The following TRIT1 variants were observed in gnomAD, a reference collection of about 807,000 sequenced individuals.
TRIT1 encodes the protein tRNA dimethylallyltransferase.
TRIT1 carries 43 observed loss-of-function variants against 51.2 expected under a neutral mutation model. The observed-to-expected ratio is 0.84, with a 90% CI of 0.66 to 1.08. The LOEUF (loss-of-function observed/expected upper bound fraction) is 1.08, where lower values mean the gene tolerates loss of function less well. Ranked by LOEUF, TRIT1 falls within the 50% of genes least tolerant of loss-of-function variation. TRIT1 has a pLI of 0.00. For missense variants in TRIT1, 528 were observed against 578.4 expected (o/e 0.91, Z 0.89); for synonymous variants, 184 against 203.9 (o/e 0.90, Z 0.83).
chr1:39,847,972 A>C lies in TRIT1; in HGVS notation c.815+14T>G. 1 of 1,605,820 alleles carries C rather than the reference A, an allele frequency of 6.2e-7. No homozygotes were observed. The highest frequency in any genetic ancestry group is 8.5e-7 in the Non-Finnish European group (1 of 1,172,430). On this transcript the variant is annotated intron_variant, in intron 6 of 10. Transcript: ENST00000316891. ...AATATGGACAGTAGGTCAGAATAAC[A>C]GCCAAATCCTCACCTATTTTCCGAA...
intron 10 of TRIT1, 59 bp downstream of exon 10, chr1:39,844,042 C>A: frequency 1.6e-6 from 2 of 1,215,474 alleles, no homozygotes; most frequent in South Asian, 2.6e-5. Context: ...CTCTAAATTT[C>A]ATGAAGTCAA....
intron 1 of TRIT1, 151 bp from the exon 2 acceptor site, chr1:39,857,568 C>G (rs577664730): frequency 5.1e-6 from 4 of 782,102 alleles, no homozygotes; most frequent in Non-Finnish European, 3.9e-6. Context: ...AACAGCACAG[C>G]CAGATCCACG....
At chr1:39,879,308 A>T (rs1006188909) in intron 1 of TRIT1, among the ~76,000 whole-genome samples, 6 of 151,952 alleles carry the variant, frequency 3.9e-5, no homozygotes, top group Non-Finnish European at 5.9e-5. Flanking sequence ...ATTGAACCCC[A>T]CAGCCCCTGG....
intron 1 of TRIT1, among the ~76,000 whole-genome samples, chr1:39,882,346 C>T (rs1322701902): frequency 1.3e-5 from 2 of 152,244 alleles, no homozygotes; most frequent in African/African-American, 2.4e-5. Flanking sequence ...AACTGCCCTT[C>T]TTTGCTGAGT....
At chr1:39,882,542 C>G (rs147284135) in intron 1 of TRIT1, among the ~76,000 whole-genome samples, 33 of 152,348 alleles carry the variant, frequency 2.2e-4, no homozygotes, top group African/African-American at 7.0e-4. Context: ...GTGATGTACA[C>G]CCCTTCTGGG....
intron 1 of TRIT1, among the ~76,000 whole-genome samples, chr1:39,869,724 T>C (rs575480629): frequency 4.8e-4 from 71 of 148,992 alleles, no homozygotes; most frequent in African/African-American, 1.7e-3. Context: ...CACGACCCCA[T>C]CTGGGAACTG....
At chr1:39,847,716 C>T (rs745309413) in intron 6 of TRIT1, 56 bp from the exon 7 acceptor site, 4 of 1,612,216 alleles carry the variant, frequency 2.5e-6, no homozygotes, top group African/African-American at 1.3e-5. Flanking sequence ...CTAGCAGGGG[C>T]TTTGGAGATG....
At chr1:39,882,262 T>C (rs1424074447) in intron 1 of TRIT1, among the ~76,000 whole-genome samples, 1 of 152,258 alleles carries the variant, frequency 6.6e-6, no homozygotes, top group African/African-American at 2.4e-5. Flanking sequence ...TGTGTGCTGA[T>C]GGTCTTGTCA....
chr1:39,850,005 A>C (rs971332184), intron 5 of TRIT1, 114 bp downstream of exon 5: 17 of 1,066,408 alleles, frequency 1.6e-5, no homozygotes, highest in Non-Finnish European at 1.9e-5. Context: ...TTAATAGCTA[A>C]TACTTGTTTA....
rs1229229289 is a variant in TRIT1, at chr1:39,841,803, C to CT, written c.1344dup (p.Glu449ArgfsTer3). 3 of 1,613,978 alleles carry CT rather than the reference C, an allele frequency of 1.9e-6. No homozygotes were observed. Among genetic ancestry groups the CT allele is most frequent in the African/African-American group, 2.7e-5 (2 of 75,014 alleles). On this transcript the variant is annotated frameshift_variant, in exon 11 of 11. Transcript: ENST00000316891. LOFTEE classifies it high-confidence loss of function. The stretch of plus-strand genomic sequence containing the variant: ...CCTGGGGATCCCTTCTCTTTAGGTT[C>CT]TTTGTTATGGTCTGGGGAAACACTC...
chr1:39,878,424 G>A (rs1387089585), intron 1 of TRIT1, among the ~76,000 whole-genome samples: 1 of 152,194 alleles, frequency 6.6e-6, no homozygotes, highest in Non-Finnish European at 1.5e-5. Flanking sequence ...CCTTGGGTAG[G>A]TGTTGCCTTG....
At chr1:39,871,749 G>A (rs562536043) in intron 1 of TRIT1, among the ~76,000 whole-genome samples, 2 of 152,202 alleles carry the variant, frequency 1.3e-5, no homozygotes, top group African/African-American at 4.8e-5. Context: ...GAGATAGAGG[G>A]GTTGACTACA....
At chr1:39,863,814 A>T (rs1643382917) in intron 1 of TRIT1, among the ~76,000 whole-genome samples, 1 of 152,152 alleles carries the variant, frequency 6.6e-6, no homozygotes, top group Non-Finnish European at 1.5e-5. Context: ...AGATATGGAA[A>T]AAACAAAAAA....
intron 1 of TRIT1, among the ~76,000 whole-genome samples, chr1:39,865,758 G>A (rs1433349730): frequency 2.0e-5 from 3 of 151,714 alleles, no homozygotes; most frequent in African/African-American, 7.3e-5. Flanking sequence ...GCTAAGATGG[G>A]AGGGTCATTT....
chr1:39,847,434 T>G (rs1642296183), intron 7 of TRIT1, 114 bp downstream of exon 7: 18 of 1,446,184 alleles, frequency 1.2e-5, no homozygotes, highest in Admixed American at 1.7e-5. Context: ...ATCTCAGTTC[T>G]GAGCTGAAGG....
At chr1:39,847,064 T>A (rs1642265656) in intron 8 of TRIT1, 156 bp downstream of exon 8, 1 of 569,500 alleles carries the variant, frequency 1.8e-6, no homozygotes, top group Non-Finnish European at 3.0e-6. Context: ...CAAGAAAATA[T>A]CCCTGGATAA....
At position 39,840,663 on chromosome 1, in the gene TRIT1, C is replaced by CT. The variant is rs1652519191; in HGVS notation, c.*1080_*1081insA. 6.6e-6 allele frequency among the ~76,000 whole-genome samples: 1 copy of CT among 152,188 alleles called. No individual in the cohort carries two copies. The highest frequency in any genetic ancestry group is 2.4e-5 in the African/African-American group (1 of 41,438). On this transcript the variant is annotated 3_prime_UTR_variant, in exon 11 of 11. Transcript: ENST00000316891. The stretch of plus-strand genomic sequence containing the variant: ...GAATGGGGAGTTAACGCTTAAAGGG[C>CT]ACAAAGTTTGTTTGGAGTGACAAAA...
Position 39,841,586 on chromosome 1 carries a change from G to T in TRIT1, c.*158C>A. The T allele has an allele frequency of 1.5e-6, 1 of 669,842 alleles. No individual in the cohort carries two copies. Among genetic ancestry groups the T allele is most frequent in the Non-Finnish European group, 2.4e-6 (1 of 416,442 alleles). The allele number at this position is 669,842 out of a possible 1,614,324, so 41.5% of individuals were successfully genotyped here. On this transcript the variant is annotated 3_prime_UTR_variant, in exon 11 of 11. Coordinates refer to ENST00000316891, the MANE Select transcript of TRIT1 (RefSeq NM_017646.6). ...ACCTGCTGTTTCTATTATAGAGAAC[G>T]TGAGACTTTAAAACCACATCAAAAG... is the stretch of plus-strand genomic sequence containing the variant.
chr1:39,869,320 G>T (rs1007106923), intron 1 of TRIT1, among the ~76,000 whole-genome samples: 12 of 152,228 alleles, frequency 7.9e-5, no homozygotes, highest in African/African-American at 2.7e-4. Context: ...GGCCGGGCTG[G>T]TCTCCAGCTC....
Sources: gnomAD v4.1 joint callset for allele counts (sites outside exome capture counted in the v4.1 genomes callset) on GRCh38, gnomAD v4.1.1 for gene constraint, MANE v1.5 for transcripts, NCBI Gene and HGNC (gene_info 2026-07-23, HGNC 2026-07-21) for gene names.